CSMD1: variants seen among roughly 807,000 people sequenced by gnomAD.
CSMD1 encodes CUB and Sushi multiple domains 1.
In CSMD1, 213 loss-of-function variants were observed where a neutral mutation model predicts 417.5. That is an observed-to-expected ratio of 0.51 (90% CI 0.46 to 0.57). CSMD1 has a LOEUF of 0.57. Among genes scored for constraint, CSMD1 ranks in the 20% least tolerant of loss-of-function variants. CSMD1 has a pLI of 0.00. For missense variants in CSMD1, 6,923 were observed against 4,529.7 expected (o/e 1.53, Z -15.17); for synonymous variants, 2,862 against 1,736.8 (o/e 1.65, Z -16.11).
intron 3 of CSMD1, among the ~76,000 whole-genome samples, chr8:4,286,115 T>C (rs1797043124): frequency 6.6e-6 from 1 of 152,144 alleles, no homozygotes. Flanking sequence ...CCGTTCACGT[T>C]AACGATATGC....
At chr8:3,970,684 A>C (rs751272216) in intron 5 of CSMD1, among the ~76,000 whole-genome samples, 10 of 152,180 alleles carry the variant, frequency 6.6e-5, no homozygotes, top group Non-Finnish European at 1.0e-4. Context: ...CTCTAATAAA[A>C]TGTATATTTA....
chr8:3,304,920 T>C (rs1352038874), intron 25 of CSMD1, among the ~76,000 whole-genome samples: 2 of 152,142 alleles, frequency 1.3e-5, no homozygotes, highest in Non-Finnish European at 2.9e-5. Context: ...ATTATTTTTA[T>C]ATAAAGTCAT....
chr8:4,442,706 A>C (rs1408071722), intron 2 of CSMD1, among the ~76,000 whole-genome samples: 1 of 152,192 alleles, frequency 6.6e-6, no homozygotes, highest in Non-Finnish European at 1.5e-5. Context: ...TAGTTCCCCG[A>C]AATGTGTATT....
chr8:2,975,251 C>A (rs1200361599), intron 55 of CSMD1, among the ~76,000 whole-genome samples: 2 of 152,052 alleles, frequency 1.3e-5, no homozygotes, highest in East Asian at 1.9e-4. Context: ...CCAAATCAGG[C>A]CTAAACTCTA....
intron 1 of CSMD1, among the ~76,000 whole-genome samples, chr8:4,702,441 T>G (rs1026382274): frequency 2.0e-5 from 3 of 152,172 alleles, no homozygotes; most frequent in Non-Finnish European, 1.5e-5. Flanking sequence ...ATCTTGAAGT[T>G]CACTCTGGAA....
At chr8:4,188,628 G>A (rs767286818) in intron 3 of CSMD1, among the ~76,000 whole-genome samples, 4 of 152,120 alleles carry the variant, frequency 2.6e-5, no homozygotes, top group South Asian at 2.1e-4. Context: ...TAAGATTCCC[G>A]CCTTTTATCT....
intron 3 of CSMD1, among the ~76,000 whole-genome samples, chr8:4,357,704 G>A (rs772683577): frequency 1.3e-5 from 2 of 151,912 alleles, no homozygotes; most frequent in African/African-American, 4.8e-5. Context: ...CAAATAATCA[G>A]AATTAATTTG....
intron 33 of CSMD1, 38 bp downstream of exon 33, chr8:3,199,676 C>T (rs770576931): frequency 2.1e-6 from 3 of 1,412,710 alleles, no homozygotes; most frequent in Non-Finnish European, 2.9e-6. Context: ...TCAGGAAAGA[C>T]CACAGTGACA....
intron 5 of CSMD1, among the ~76,000 whole-genome samples, chr8:3,855,822 G>T (rs1019899613): frequency 1.3e-5 from 2 of 152,086 alleles, no homozygotes. Flanking sequence ...AGGGTATTAC[G>T]TAAACATCTT....
chr8:3,253,052 A>C (rs945972070), intron 26 of CSMD1, among the ~76,000 whole-genome samples: 2 of 149,628 alleles, frequency 1.3e-5, no homozygotes, highest in African/African-American at 4.9e-5. Context: ...TATTTTAGTT[A>C]TTTCTTTCCT....
In CSMD1 at chr8:3,235,916, GTTT is replaced by G. The variant is rs11414439; in HGVS notation, c.4154-5688_4154-5686del. Reference sequence around the variant, plus strand: ...TTATGCCAGTTATATGAAGATGTAAGTTTTTTTTTTTTTTTTTTTGAGACAGAG... The same window carrying G: ...TTATGCCAGTTATATGAAGATGTAAGTTTTTTTTTTTTTTTTGAGACAGAG... On this transcript the variant is annotated intron_variant, in intron 26 of 69. Coordinates refer to ENST00000635120, the MANE Select transcript of CSMD1 (RefSeq NM_033225.6). Among the ~76,000 whole-genome samples, 134 of 119,340 alleles carry G rather than the reference GTTT, an allele frequency of 1.1e-3. 4 individuals carry two copies. The highest frequency in any genetic ancestry group is 1.2e-3 in the Admixed American group (12 of 9,660). 78.3% of individuals were successfully genotyped at this position (119,340 alleles called of 152,430 possible).
chr8:3,503,432 G>C (rs1352997445), intron 10 of CSMD1, among the ~76,000 whole-genome samples: 3 of 152,226 alleles, frequency 2.0e-5, no homozygotes, highest in Non-Finnish European at 4.4e-5. Context: ...AGTTTGCACA[G>C]GCAGTGAAAA....
intron 1 of CSMD1, among the ~76,000 whole-genome samples, chr8:4,694,124 C>T (rs1055679016): frequency 5.9e-5 from 9 of 152,166 alleles, no homozygotes; most frequent in African/African-American, 1.9e-4. Context: ...ACCTCCCTCA[C>T]GATTTGTCCA....
At chr8:3,985,904 G>T (rs977720214) in intron 5 of CSMD1, among the ~76,000 whole-genome samples, 1 of 150,194 alleles carries the variant, frequency 6.7e-6, no homozygotes, top group South Asian at 2.1e-4. Flanking sequence ...CTCTTACTTT[G>T]AACATTTCAA....
chr8:3,437,425 T>G (rs1439284275), intron 12 of CSMD1, among the ~76,000 whole-genome samples: 1 of 152,150 alleles, frequency 6.6e-6, no homozygotes, highest in Non-Finnish European at 1.5e-5. Context: ...AAAGGCTGAA[T>G]TAAATGGGCT....
At chr8:4,306,905 T>C (rs899127652) in intron 3 of CSMD1, among the ~76,000 whole-genome samples, 4 of 152,282 alleles carry the variant, frequency 2.6e-5, no homozygotes, top group South Asian at 2.1e-4. Flanking sequence ...ACGCTAAAAA[T>C]ATACTTCAAA....
intron 3 of CSMD1, among the ~76,000 whole-genome samples, chr8:4,213,311 C>G (rs867588976): frequency 6.6e-5 from 10 of 152,262 alleles, no homozygotes; most frequent in African/African-American, 2.4e-4. Context: ...CACCACACCT[C>G]TCTGCTCCAG....
intron 6 of CSMD1, among the ~76,000 whole-genome samples, chr8:3,753,289 T>C (rs1432715182): frequency 2.0e-5 from 3 of 152,160 alleles, no homozygotes; most frequent in African/African-American, 7.2e-5. Flanking sequence ...AACTGAATAG[T>C]TTTTTGCTGT....
intron 3 of CSMD1, among the ~76,000 whole-genome samples, chr8:4,192,494 C>G (rs1799087113): frequency 6.6e-6 from 1 of 151,940 alleles, no homozygotes; most frequent in Non-Finnish European, 1.5e-5. Flanking sequence ...ACCACATAAA[C>G]TAAAGCCCGT....
Sources: gnomAD v4.1 joint callset for allele counts (sites outside exome capture counted in the v4.1 genomes callset) on GRCh38, gnomAD v4.1.1 for gene constraint, MANE v1.5 for transcripts, NCBI Gene and HGNC (gene_info 2026-07-23, HGNC 2026-07-21) for gene names.